Variants in GABRG3 observed in about 807,000 individuals in gnomAD.
The protein encoded by GABRG3 is gamma-aminobutyric acid receptor subunit gamma-3.
A neutral mutation model predicts 48.8 loss-of-function variants in GABRG3; 25 were observed. The observed-to-expected ratio is 0.51, with a 90% CI of 0.37 to 0.72. The LOEUF (loss-of-function observed/expected upper bound fraction) is 0.72, where lower values mean the gene tolerates loss of function less well. Ranked by LOEUF, GABRG3 falls within the 30% of genes least tolerant of loss-of-function variation. GABRG3 has a pLI of 0.00. For synonymous variants in GABRG3, 227 were observed against 217.6 expected, an observed-to-expected ratio of 1.04 and a Z score of -0.38; for missense variants, 394 against 577.9, an observed-to-expected ratio of 0.68 and a Z score of 3.26.
intron 3 of GABRG3, among the ~76,000 whole-genome samples, chr15:27,064,924 G>A (rs12050748): frequency 0.36 from 54,954 of 152,080 alleles, 10,157 homozygotes; most frequent in East Asian, 0.49. Flanking sequence ...GTCAAGTTGT[G>A]TTCCTTTTTT....
At chr15:27,071,606 C>T (rs1896828667) in intron 3 of GABRG3, among the ~76,000 whole-genome samples, 1 of 152,206 alleles carries the variant, frequency 6.6e-6, no homozygotes, top group African/African-American at 2.4e-5. Context: ...AAGGCCAGCG[C>T]AGGTGCAGCA....
intron 5 of GABRG3, among the ~76,000 whole-genome samples, chr15:27,469,394 G>T (rs1889716175): frequency 1.3e-5 from 2 of 152,106 alleles, no homozygotes. Flanking sequence ...AGGCTAGAGT[G>T]CAGTGGCACA....
chr15:26,987,022 C>A (rs1895163743), intron 2 of GABRG3, among the ~76,000 whole-genome samples: 1 of 152,162 alleles, frequency 6.6e-6, no homozygotes, highest in African/African-American at 2.4e-5. Flanking sequence ...CTTTGGAAGG[C>A]CAAGGTGGGC....
At chr15:27,355,450 A>T (rs895753975) in intron 5 of GABRG3, among the ~76,000 whole-genome samples, 7 of 152,210 alleles carry the variant, frequency 4.6e-5, no homozygotes, top group African/African-American at 1.4e-4. Flanking sequence ...ACCCACTAGG[A>T]TGGCTATAAC....
chr15:27,444,327 T>C (rs889545338), intron 5 of GABRG3, among the ~76,000 whole-genome samples: 11 of 152,170 alleles, frequency 7.2e-5, no homozygotes, highest in African/African-American at 1.9e-4. Flanking sequence ...ATTTTGTCCA[T>C]TGAGGTTTAT....
At chr15:27,129,183 AATTTTACCTC>A (rs1400417058) in intron 3 of GABRG3, among the ~76,000 whole-genome samples, 1 of 152,136 alleles carries the variant, frequency 6.6e-6, no homozygotes, top group African/African-American at 2.4e-5. Flanking sequence ...CTAAAACTGA[AATTTTACCTC>A]CTTTAAACAG....
At chr15:27,204,359 G>A (rs1888787539) in intron 3 of GABRG3, among the ~76,000 whole-genome samples, 1 of 152,054 alleles carries the variant, frequency 6.6e-6, no homozygotes, top group Admixed American at 6.6e-5. Context: ...GATGGTTGTA[G>A]GTATGCAGCT....
At chr15:27,185,278 T>C (rs1212397701) in intron 3 of GABRG3, among the ~76,000 whole-genome samples, 1 of 152,196 alleles carries the variant, frequency 6.6e-6, no homozygotes, top group Non-Finnish European at 1.5e-5. Context: ...TCCTTTGACA[T>C]ATGTTCTTCA....
At chr15:27,280,434 G>C (rs967730688) in intron 3 of GABRG3, 3 of 152,136 alleles carry the variant, frequency 2.0e-5, no homozygotes, top group African/African-American at 7.2e-5. Flanking sequence ...TATGGCCATA[G>C]AATCTTGTTT....
intron 5 of GABRG3, among the ~76,000 whole-genome samples, chr15:27,339,467 A>G (rs1348336653): frequency 6.6e-6 from 1 of 152,134 alleles, no homozygotes; most frequent in East Asian, 1.9e-4. Flanking sequence ...TGCCTGTTTC[A>G]TATGCTCCAC....
chr15:27,290,758 G>A lies in GABRG3; in HGVS notation c.271-36051G>A, dbSNP rs112987550. 4.6e-5 allele frequency among the ~76,000 whole-genome samples: 7 copies of A among 152,226 alleles called. 1 individual carries two copies. Among genetic ancestry groups the A allele is most frequent in the African/African-American group, 7.2e-5 (3 of 41,524 alleles). ...CTAAATGTGATCTGGTGTCCTGGGC[G>A]AAATCCAAAAGTGAAAACAATATTA... is the stretch of plus-strand genomic sequence containing the variant. On this transcript the variant is annotated intron_variant, in intron 3 of 9. Coordinates refer to ENST00000615808, the MANE Select transcript of GABRG3 (RefSeq NM_033223.5).
At chr15:27,443,851 T>A (rs1888862855) in intron 5 of GABRG3, among the ~76,000 whole-genome samples, 1 of 152,222 alleles carries the variant, frequency 6.6e-6, no homozygotes, top group Non-Finnish European at 1.5e-5. Flanking sequence ...GGTTTTATAA[T>A]GAACCGGTGT....
chr15:27,047,120 C>T (rs2140706185), intron 3 of GABRG3, among the ~76,000 whole-genome samples: 1 of 152,302 alleles, frequency 6.6e-6, no homozygotes, highest in Non-Finnish European at 1.5e-5. Flanking sequence ...TAAACCACCA[C>T]ATACTCATTT....
At chr15:27,099,796 C>CA (rs1244925452) in intron 3 of GABRG3, among the ~76,000 whole-genome samples, 1 of 151,892 alleles carries the variant, frequency 6.6e-6, no homozygotes, top group Non-Finnish European at 1.5e-5. Flanking sequence ...GAGGAAAACA[C>CA]AAAAAACCAC....
chr15:27,326,429 A>G lies in GABRG3; in HGVS notation c.271-380A>G, dbSNP rs145013538. On this transcript the variant is annotated intron_variant, in intron 3 of 9. Coordinates refer to ENST00000615808, the MANE Select transcript of GABRG3 (RefSeq NM_033223.5). ...TTAACACCTTGAGAAGGTGGACACT[A>G]TTATGTTCCCCATTTTATAGATCAG... Among the ~76,000 whole-genome samples the G allele has an allele frequency of 5.3e-5, 8 of 152,268 alleles. No homozygotes were observed. The East Asian group carries it at 1.5e-3, about 29-fold the overall frequency.
chr15:27,519,973 T>C lies in GABRG3; in HGVS notation c.714T>C (p.Gly238=). The C allele has an allele frequency of 6.6e-7, 1 of 1,519,314 alleles. No homozygotes were observed. Among genetic ancestry groups the C allele is most frequent in the Non-Finnish European group, 8.8e-7 (1 of 1,132,828 alleles). 94.1% of individuals were successfully genotyped at this position (1,519,314 alleles called of 1,614,324 possible). A position where few individuals can be genotyped will look rare whatever the true frequency, so the allele number is the denominator to read the frequency against. Residue 238 remains glycine (G), a splice_region_variant and synonymous_variant, in exon 7 of 10, where the codon GGT becomes GGC. Transcript: ENST00000615808. ...NTTEIVTTSA[G]DYVVMTIYFE... ...AATTTTGACAATATTTTATTACAGG[T>C]GATTATGTTGTCATGACTATATATT...
chr15:27,285,940 T>C (rs1891596846), intron 3 of GABRG3, among the ~76,000 whole-genome samples: 1 of 152,200 alleles, frequency 6.6e-6, no homozygotes, highest in Non-Finnish European at 1.5e-5. Context: ...CTCACCTCTC[T>C]ATCAATGACA....
intron 7 of GABRG3, among the ~76,000 whole-genome samples, chr15:27,523,843 A>C (rs1170033465): frequency 6.6e-6 from 1 of 152,038 alleles, no homozygotes; most frequent in Non-Finnish European, 1.5e-5. Flanking sequence ...TATTGAAAAA[A>C]ATAATAATCA....
chr15:27,240,386 G>A (rs987217277), intron 3 of GABRG3, among the ~76,000 whole-genome samples: 11 of 152,132 alleles, frequency 7.2e-5, no homozygotes, highest in Admixed American at 3.9e-4. Flanking sequence ...CTTGCTTGCC[G>A]ACTCAGTGAG....
Sources: gnomAD v4.1 joint callset for allele counts (sites outside exome capture counted in the v4.1 genomes callset) on GRCh38, gnomAD v4.1.1 for gene constraint, MANE v1.5 for transcripts, NCBI Gene and HGNC (gene_info 2026-07-23, HGNC 2026-07-21) for gene names.